Variants in DHX38 observed in about 807,000 individuals in gnomAD.
DHX38 encodes pre-mRNA-splicing factor ATP-dependent RNA helicase PRP16.
A neutral mutation model predicts 153.1 loss-of-function variants in DHX38; 100 were observed. The ratio of observed to expected loss-of-function variants is 0.65; its 90% CI spans 0.56 to 0.77. DHX38 has a LOEUF of 0.77. Ranked by LOEUF, DHX38 falls within the 30% of genes least tolerant of loss-of-function variation. The pLI, the probability that DHX38 is intolerant of heterozygous loss-of-function variation, is 0.00. For synonymous variants in DHX38, 650 were observed against 631.7 expected, an observed-to-expected ratio of 1.03 and a Z score of -0.43; for missense variants, 1,440 against 1,654.0, an observed-to-expected ratio of 0.87 and a Z score of 2.24.
At chr16:72,111,579 C>T (rs1017946098) in intron 26 of DHX38, among the ~76,000 whole-genome samples, 1 of 152,208 alleles carries the variant, frequency 6.6e-6, no homozygotes, top group African/African-American at 2.4e-5. Flanking sequence ...GAGTGCCGTA[C>T]TTACCATTAT....
intron 10 of DHX38, 143 bp downstream of exon 10, chr16:72,101,336 G>A (rs1050162566): frequency 3.4e-6 from 4 of 1,171,790 alleles, no homozygotes; most frequent in Non-Finnish European, 3.6e-6. Context: ...GGGGCCTGGT[G>A]TTGGGAGAGC....
rs1201810727 is a variant in DHX38 at position 72,100,005 on chromosome 16, C to A, written c.1116+118C>A. ...CTTGTCCCCTGATTGCCGAGAAGCCCAGATCCTCTGGAGGTGGAAGAGGAG... is the reference window on the plus strand; with the variant it reads ...CTTGTCCCCTGATTGCCGAGAAGCCAAGATCCTCTGGAGGTGGAAGAGGAG... On this transcript the variant is annotated intron_variant, in intron 8 of 26. Transcript: ENST00000268482. The A allele has an allele frequency of 2.9e-6, 4 of 1,370,844 alleles. No homozygotes were observed. In the Admixed American group the frequency reaches 8.3e-5, roughly 29 times the overall value. The allele number at this position is 1,370,844 out of a possible 1,614,324, so 84.9% of individuals were successfully genotyped here. A position where few individuals can be genotyped will look rare whatever the true frequency, so the allele number is the denominator to read the frequency against.
In DHX38 at chr16:72,104,572, C is replaced by T; in HGVS notation, c.2097C>T (p.Val699=). The stretch of plus-strand genomic sequence containing the variant: ...AGTTTGCTGCCTTTTTTGGGAATGT[C>T]CCCATCTTCCACATCCCTGGCCGTA... ...AEKFAAFFGN[V]PIFHIPGRTF... is the part of the protein sequence containing the mutation. The change falls in exon 15 of 27, where the codon GTC becomes GTT. Residue 699 remains valine, a synonymous_variant. Coordinates refer to ENST00000268482, the MANE Select transcript of DHX38 (RefSeq NM_014003.4). The surrounding 1 kb of genome is among the most constrained non-coding windows in gnomAD (Gnocchi z 4.5). 2 of 1,614,100 alleles carry T rather than the reference C, an allele frequency of 1.2e-6. No homozygotes were observed. Among genetic ancestry groups the T allele is most frequent in the Middle Eastern group, 3.3e-4 (2 of 6,062 alleles).
At position 72,104,439 on chromosome 16, in the gene DHX38, G is replaced by A; in HGVS notation, c.2011-47G>A. ...GTGCTGATGGGACTGGGGGACAGGA[G>A]CCAAGGGTCCCCACCATGGGGGCCT... On this transcript the variant is annotated intron_variant, in intron 14 of 26. Coordinates refer to ENST00000268482, the MANE Select transcript of DHX38 (RefSeq NM_014003.4). This position sits in a 1 kb window ranked among gnomAD's most constrained non-coding sequence, Gnocchi z 4.5. 2 of 1,607,044 alleles carry A rather than the reference G, an allele frequency of 1.2e-6. No homozygotes were observed. The highest frequency in any genetic ancestry group is 1.1e-5 in the South Asian group (1 of 90,874).
At chr16:72,111,356 A>G (rs1203209909) in intron 26 of DHX38, among the ~76,000 whole-genome samples, 1 of 152,218 alleles carries the variant, frequency 6.6e-6, no homozygotes, top group Non-Finnish European at 1.5e-5. Flanking sequence ...AGGGGGTTGG[A>G]AACCCCAGTG....
In DHX38 at chr16:72,107,829, G is replaced by A. The variant is rs529344286; in HGVS notation, c.2964+30G>A. 111 of 1,607,224 alleles carry A rather than the reference G, an allele frequency of 6.9e-5. No homozygotes were observed. Among genetic ancestry groups the A allele is most frequent in the Non-Finnish European group, 8.2e-5 (96 of 1,177,460 alleles). ...GGCAGCGGCTGGCTCCCCTCTCCCC[G>A]GAGGGCTCGAGGAAGTGTTGGGGAG... is the stretch of plus-strand genomic sequence containing the variant. On this transcript the variant is annotated intron_variant, in intron 21 of 26. Coordinates refer to ENST00000268482, the MANE Select transcript of DHX38 (RefSeq NM_014003.4). This position sits in a 1 kb window ranked among gnomAD's most constrained non-coding sequence, Gnocchi z 5.3.
At position 72,103,942 on chromosome 16, in the gene DHX38, C is replaced by G. The variant is rs376854527; in HGVS notation, c.1825-4C>G. 2.5e-6 allele frequency: 4 copies of G among 1,613,446 alleles called. No individual in the cohort carries two copies. The African/African-American group carries it at 5.3e-5, about 22-fold the overall frequency. ...GGCATCTGAGCCATCTCTCTGACCT[C>G]CAGGTGGGCTATGCCATCCGCTTTG... On this transcript the variant is annotated splice_polypyrimidine_tract_variant and splice_region_variant and intron_variant, in intron 13 of 26. Transcript: ENST00000268482.
intron 25 of DHX38, among the ~76,000 whole-genome samples, chr16:72,110,739 A>G (rs188886564): frequency 6.6e-6 from 1 of 152,346 alleles, no homozygotes; most frequent in Non-Finnish European, 1.5e-5. Flanking sequence ...CTGAGGGATG[A>G]CTGAGTTAGG....
At chr16:72,110,862 A>G in intron 25 of DHX38, 94 bp from the exon 26 acceptor site, 1 of 1,470,480 alleles carries the variant, frequency 6.8e-7, no homozygotes, top group Non-Finnish European at 9.1e-7. Flanking sequence ...TGGTGGATGC[A>G]GCACCTGGTT....
At position 72,107,574 on chromosome 16, in the gene DHX38, G is replaced by A; in HGVS notation, c.2809+26G>A. The A allele has an allele frequency of 6.2e-7, 1 of 1,609,684 alleles. No homozygotes were observed. On this transcript the variant is annotated intron_variant, in intron 20 of 26. Transcript: ENST00000268482. The surrounding 1 kb of genome is among the most constrained non-coding windows in gnomAD (Gnocchi z 5.3). ...GTGAGGCGGCCCCGGGAGCCTCATG[G>A]GTGCTGGCGCTTGACTTCCTTCTTT...
intron 10 of DHX38, 41 bp downstream of exon 10, chr16:72,101,234 T>G: frequency 6.2e-7 from 1 of 1,604,120 alleles, no homozygotes; most frequent in South Asian, 1.1e-5. Flanking sequence ...TTATGTGTAT[T>G]TTTTTCTTTT....
chr16:72,111,064 C>T lies in DHX38; in HGVS notation c.3586C>T (p.Leu1196=). 1 of 1,566,354 alleles carries T rather than the reference C, an allele frequency of 6.4e-7. No homozygotes were observed. The highest frequency in any genetic ancestry group is 8.7e-7 in the Non-Finnish European group (1 of 1,156,008). Residue 1196 remains leucine, a synonymous_variant, in exon 26 of 27, where the codon CTG becomes TTG. Coordinates refer to ENST00000268482, the MANE Select transcript of DHX38 (RefSeq NM_014003.4). ...GCAGGAGCAGGAGAAGCGCAGCCCC[C>T]TGGGCAGTGTCAGGTGAGCTCCGGC... ...RRQEQEKRSP[L]GSVRSTKIYT...
rs765620584 is a variant in DHX38, at chr16:72,096,833, C to A, written c.335C>A (p.Ser112Tyr). Residue 112 changes from serine to tyrosine, a missense_variant, in exon 3 of 27, where the codon TCT becomes TAT. Physicochemically the swap from Ser to Tyr is moderately radical, Grantham distance 144 (BLOSUM62 -2). Transcript: ENST00000268482. ...QNIRKDRHYR[S>Y]ARVETPSHPG... Reference sequence around the variant, plus strand: ...TCTCCCTGTTTCAGACATTATCGGTCTGCTCGGGTAGAGACTCCATCCCAT... The same window carrying A: ...TCTCCCTGTTTCAGACATTATCGGTATGCTCGGGTAGAGACTCCATCCCAT... 9.3e-6 allele frequency: 15 copies of A among 1,612,562 alleles called. No individual in the cohort carries two copies. Among genetic ancestry groups the A allele is most frequent in the Non-Finnish European group, 1.3e-5 (15 of 1,179,410 alleles).
chr16:72,105,910 G>C, intron 18 of DHX38, 95 bp from the exon 19 acceptor site: 1 of 1,164,812 alleles, frequency 8.6e-7, no homozygotes, highest in South Asian at 1.3e-5. Context: ...CTCTTCCTCT[G>C]CCATGTGTAG....
Position 72,108,349 on chromosome 16 carries a change from C to G in DHX38, c.3087C>G (p.Asn1029Lys). The G allele has an allele frequency of 6.2e-7, 1 of 1,614,144 alleles. No individual in the cohort carries two copies. The highest frequency in any genetic ancestry group is 8.5e-7 in the Non-Finnish European group (1 of 1,180,034). Residue 1029 changes from asparagine to lysine, a missense_variant, in exon 22 of 27, where the codon AAC (asparagine) becomes AAG (lysine). Asn to Lys is a moderately conservative substitution (Grantham distance 94). Around this residue, in one of 6 missense-constraint regions of DHX38, gnomAD observed 543 missense variants for 717.9 expected, o/e 0.76. Transcript: ENST00000268482. ...KNNNYSTIWC[N>K]DHFIHAKAMR... ...ATAATTACTCCACCATCTGGTGTAA[C>G]GATCATTTCATCCATGCTAAGGCCA...
chr16:72,109,207 G>C (rs2042225420), intron 24 of DHX38, among the ~76,000 whole-genome samples: 1 of 152,204 alleles, frequency 6.6e-6, no homozygotes, highest in African/African-American at 2.4e-5. Context: ...GATTTTCGGA[G>C]GGGTTGGGCC....
chr16:72,106,004 G>A lies in DHX38; in HGVS notation c.2488-1G>A. On this transcript the variant is annotated splice_acceptor_variant, in intron 18 of 26. Coordinates refer to ENST00000268482, the MANE Select transcript of DHX38 (RefSeq NM_014003.4). LOFTEE classifies it high-confidence loss of function. Reference sequence around the variant, plus strand: ...GTCAGCTCTTTGCCGTCCCCTCCTAGGTCTTCAACCCCAGGATTGGCATGG... The same window carrying A: ...GTCAGCTCTTTGCCGTCCCCTCCTAAGTCTTCAACCCCAGGATTGGCATGG... 1 of 1,613,890 alleles carries A rather than the reference G, an allele frequency of 6.2e-7. No homozygotes were observed. The highest frequency in any genetic ancestry group is 2.2e-5 in the East Asian group (1 of 44,872).
At chr16:72,109,370 A>G (rs1382619794) in intron 24 of DHX38, 45 bp from the exon 25 acceptor site, 1 of 1,598,636 alleles carries the variant, frequency 6.3e-7, no homozygotes, top group Non-Finnish European at 8.5e-7. Flanking sequence ...TGGGAGGGAC[A>G]TTGGCCCTCC....
rs1358213102 is a variant in DHX38, at chr16:72,107,095, G to A, written c.2601-245G>A. Among the ~76,000 whole-genome samples, 1 of 152,136 alleles carries A rather than the reference G, an allele frequency of 6.6e-6. No homozygotes were observed. Among genetic ancestry groups the A allele is most frequent in the East Asian group, 1.9e-4 (1 of 5,184 alleles). On this transcript the variant is annotated intron_variant, in intron 19 of 26. Transcript: ENST00000268482. This position sits in a 1 kb window ranked among gnomAD's most constrained non-coding sequence, Gnocchi z 5.3. ...GAGGCAGGAGAATCGCTTAAATCCG[G>A]GAGGCAGAGGTTGGGCAACAGAGTG...
Sources: gnomAD v4.1 joint callset for allele counts (sites outside exome capture counted in the v4.1 genomes callset) on GRCh38, gnomAD v4.1.1 for gene constraint, gnomAD v4.1.1 regional missense constraint, Gnocchi (gnomAD v3.1) non-coding constraint, MANE v1.5 for transcripts, NCBI Gene and HGNC (gene_info 2026-07-23, HGNC 2026-07-21) for gene names.